The following CHCHD6 variants were observed in gnomAD, a reference collection of about 807,000 sequenced individuals.
CHCHD6 encodes the protein coiled-coil-helix-coiled-coil-helix domain containing 6, also known as MICOS complex subunit MIC25.
Under a neutral mutation model 32.3 loss-of-function variants are expected in CHCHD6, and 28 were observed. The ratio of observed to expected loss-of-function variants is 0.87; its 90% confidence interval spans 0.64 to 1.19. The LOEUF (loss-of-function observed/expected upper bound fraction) is 1.19, where lower values mean the gene tolerates loss of function less well. Among genes scored for constraint, CHCHD6 ranks in the 50% most tolerant of loss-of-function variants. The pLI is 0.00. For missense variants in CHCHD6, 333 were observed against 307.0 expected, an observed-to-expected ratio of 1.08 and a Z score of -0.63; for synonymous variants, 122 against 117.5, an observed-to-expected ratio of 1.04 and a Z score of -0.25.
chr3:126,823,933 G>T (rs2107537881), intron 4 of CHCHD6, among the ~76,000 whole-genome samples: 1 of 151,526 alleles, frequency 6.6e-6, no homozygotes, highest in Admixed American at 6.6e-5. Context: ...ACATTATCTG[G>T]GTGTGGTGGC....
intron 5 of CHCHD6, among the ~76,000 whole-genome samples, chr3:126,906,493 A>G (rs960776816): frequency 1.3e-5 from 2 of 152,160 alleles, no homozygotes; most frequent in African/African-American, 4.8e-5. Context: ...GTGCGGTCCA[A>G]CACCTTCCGA....
chr3:126,791,096 CCT>C (rs1207621870), intron 4 of CHCHD6, among the ~76,000 whole-genome samples: 1 of 152,200 alleles, frequency 6.6e-6, no homozygotes, highest in Non-Finnish European at 1.5e-5. Context: ...CACTCCAGAC[CCT>C]GTTTGCCTGG....
intron 5 of CHCHD6, among the ~76,000 whole-genome samples, chr3:126,878,033 A>C (rs2077562908): frequency 6.6e-6 from 1 of 152,170 alleles, no homozygotes; most frequent in Non-Finnish European, 1.5e-5. Context: ...AAGCTGTTTT[A>C]TTTGTATTAT....
chr3:126,958,699 G>A (rs532855105), intron 7 of CHCHD6, among the ~76,000 whole-genome samples: 3 of 152,210 alleles, frequency 2.0e-5, no homozygotes, highest in African/African-American at 4.8e-5. Flanking sequence ...ATGAGTGGTC[G>A]CAAGGCCTCT....
At chr3:126,713,784 T>C (rs1934871695) in intron 1 of CHCHD6, among the ~76,000 whole-genome samples, 1 of 152,224 alleles carries the variant, frequency 6.6e-6, no homozygotes, top group South Asian at 2.1e-4. Context: ...GGCTCAGTTT[T>C]TCTTGCCTCA....
chr3:126,801,114 A>G (rs536007923), intron 4 of CHCHD6, among the ~76,000 whole-genome samples: 4 of 152,372 alleles, frequency 2.6e-5, no homozygotes, highest in African/African-American at 7.2e-5. Context: ...GCTCCGGTCC[A>G]CAGCTCCCAG....
At chr3:126,729,507 A>T (rs1935685791) in intron 2 of CHCHD6, among the ~76,000 whole-genome samples, 1 of 152,236 alleles carries the variant, frequency 6.6e-6, no homozygotes. Flanking sequence ...AATACCAGAC[A>T]TTAAACCTCA....
intron 1 of CHCHD6, among the ~76,000 whole-genome samples, chr3:126,710,713 A>T (rs1157270977): frequency 6.6e-6 from 1 of 152,070 alleles, no homozygotes; most frequent in African/African-American, 2.4e-5. Context: ...TTGTTTTCTT[A>T]CTTTTATTTT....
chr3:126,791,046 G>A (rs972213279), intron 4 of CHCHD6, among the ~76,000 whole-genome samples: 4 of 152,234 alleles, frequency 2.6e-5, no homozygotes, highest in Admixed American at 2.6e-4. Flanking sequence ...CTAACAGTCA[G>A]GGTCCTCAGC....
At chr3:126,898,633 G>C (rs1040599525) in intron 5 of CHCHD6, among the ~76,000 whole-genome samples, 1 of 152,158 alleles carries the variant, frequency 6.6e-6, no homozygotes, top group African/African-American at 2.4e-5. Context: ...CTGCCTCCCA[G>C]GTTCAAGCGA....
chr3:126,829,702 C>A (rs1175121319), intron 4 of CHCHD6, among the ~76,000 whole-genome samples: 1 of 152,062 alleles, frequency 6.6e-6, no homozygotes, highest in Non-Finnish European at 1.5e-5. Flanking sequence ...GACGACAGAG[C>A]AAGAAGGTGG....
chr3:126,759,983 G>T (rs1937102418), intron 4 of CHCHD6, among the ~76,000 whole-genome samples: 1 of 152,136 alleles, frequency 6.6e-6, no homozygotes, highest in African/African-American at 2.4e-5. Flanking sequence ...GTCTCACATG[G>T]TGAGAACAGG....
chr3:126,776,779 A>T (rs1937668274), intron 4 of CHCHD6, among the ~76,000 whole-genome samples: 1 of 152,174 alleles, frequency 6.6e-6, no homozygotes, highest in Admixed American at 6.5e-5. Flanking sequence ...GACATAACCA[A>T]CATCATTTTT....
At chr3:126,844,727 C>T (rs1038406088) in intron 4 of CHCHD6, among the ~76,000 whole-genome samples, 8 of 152,150 alleles carry the variant, frequency 5.3e-5, no homozygotes, top group Admixed American at 4.6e-4. Flanking sequence ...CATGTTTTCT[C>T]TCACATGGCA....
intron 6 of CHCHD6, among the ~76,000 whole-genome samples, chr3:126,919,331 T>C (rs1327776686): frequency 2.3e-5 from 3 of 129,128 alleles, no homozygotes; most frequent in East Asian, 4.6e-4. Context: ...TTTTTTTTTT[T>C]TTGAGACAAG....
At chr3:126,852,199 A>T (rs556182759) in intron 4 of CHCHD6, among the ~76,000 whole-genome samples, 14 of 152,326 alleles carry the variant, frequency 9.2e-5, no homozygotes, top group Middle Eastern at 3.4e-3. Context: ...TCACGGCAGC[A>T]CACCCAGCGG....
At chr3:126,852,562 C>A in intron 4 of CHCHD6, 85 bp from the exon 5 acceptor site, 1 of 887,476 alleles carries the variant, frequency 1.1e-6, no homozygotes, top group Non-Finnish European at 1.9e-6. Context: ...TGAATGTGAG[C>A]AGAAATGTCC....
chr3:126,779,954 C>T (rs185620542), intron 4 of CHCHD6, among the ~76,000 whole-genome samples: 15 of 152,276 alleles, frequency 9.9e-5, no homozygotes, highest in African/African-American at 3.6e-4. Context: ...TGCATCAGAG[C>T]CAGCTGTAGA....
intron 4 of CHCHD6, among the ~76,000 whole-genome samples, chr3:126,846,203 C>T (rs956529207): frequency 6.6e-6 from 1 of 152,156 alleles, no homozygotes; most frequent in Admixed American, 6.5e-5. Context: ...AAAGAGACCC[C>T]ACTTATAAGG....
Sources: gnomAD v4.1 joint callset for allele counts (sites outside exome capture counted in the v4.1 genomes callset) on GRCh38, gnomAD v4.1.1 for gene constraint, MANE v1.5 for transcripts, NCBI Gene and HGNC (gene_info 2026-07-23, HGNC 2026-07-21) for gene names.